Variants in CDH13 observed in about 807,000 individuals in gnomAD.
The protein encoded by CDH13 is cadherin 13.
CDH13 carries 24 observed loss-of-function variants against 63.8 expected under a neutral mutation model. The ratio of observed to expected loss-of-function variants is 0.38; its 90% CI spans 0.27 to 0.53. The LOEUF (loss-of-function observed/expected upper bound fraction) is 0.53, where lower values mean the gene tolerates loss of function less well. CDH13 is among the 20% of genes least tolerant of loss of function. The probability of loss-of-function intolerance (pLI) is 0.85; values close to 1 mark genes in which losing one functional copy is unlikely to be tolerated. For synonymous variants in CDH13, 503 were observed against 355.3 expected (o/e 1.42, Z -4.67); for missense variants, 1,049 against 903.1 (o/e 1.16, Z -2.07).
intron 3 of CDH13, among the ~76,000 whole-genome samples, chr16:83,058,833 C>G (rs2031222696): frequency 6.6e-6 from 1 of 152,198 alleles, no homozygotes; most frequent in Admixed American, 6.5e-5. Context: ...CAGAAACTAT[C>G]TGGTGATGAG....
intron 10 of CDH13, among the ~76,000 whole-genome samples, chr16:83,686,054 T>A (rs1192765466): frequency 6.6e-6 from 1 of 152,192 alleles, no homozygotes. Context: ...TGTTCTCCCT[T>A]TTTACTGATG....
chr16:82,854,830 T>G (rs1284455969), intron 1 of CDH13, among the ~76,000 whole-genome samples: 1 of 152,224 alleles, frequency 6.6e-6, no homozygotes, highest in Non-Finnish European at 1.5e-5. Context: ...AATTATGATT[T>G]GTTAATGCCT....
Position 83,092,629 on chromosome 16 carries a change from G to A in CDH13, c.367-32756G>A, listed in dbSNP as rs142303072. ...TTTTATTACTACTTCTTTCTTTGCC[G>A]CTTTAAAGGGAAAACTGCTATCCCT... is the stretch of plus-strand genomic sequence containing the variant. On this transcript the variant is annotated intron_variant, in intron 3 of 13. Transcript: ENST00000567109. 2.6e-3 allele frequency among the ~76,000 whole-genome samples: 399 copies of A among 151,802 alleles called. 1 individual carries two copies. The highest frequency in any genetic ancestry group is 8.9e-3 in the African/African-American group (368 of 41,364).
At chr16:82,878,583 C>T (rs2040584587) in intron 2 of CDH13, among the ~76,000 whole-genome samples, 1 of 150,712 alleles carries the variant, frequency 6.6e-6, no homozygotes. Flanking sequence ...CCCTTCTGTG[C>T]GTTGGGGCTT....
intron 6 of CDH13, among the ~76,000 whole-genome samples, chr16:83,411,687 T>C (rs2092128286): frequency 6.6e-6 from 1 of 152,204 alleles, no homozygotes; most frequent in Non-Finnish European, 1.5e-5. Flanking sequence ...CCTTTTGTTC[T>C]CTGATATGTC....
chr16:83,784,358 A>G (rs1415959390), intron 13 of CDH13, among the ~76,000 whole-genome samples: 2 of 152,146 alleles, frequency 1.3e-5, no homozygotes, highest in Non-Finnish European at 2.9e-5. Flanking sequence ...AGGGCCAGGC[A>G]CGGTGGCTCA....
chr16:83,438,001 C>G (rs569671166), intron 6 of CDH13, among the ~76,000 whole-genome samples: 3 of 152,302 alleles, frequency 2.0e-5, no homozygotes, highest in East Asian at 1.9e-4. Flanking sequence ...CTCCTATCCT[C>G]TCTGCTTCAG....
intron 3 of CDH13, among the ~76,000 whole-genome samples, chr16:83,116,701 A>G (rs1423955975): frequency 6.6e-6 from 1 of 152,180 alleles, no homozygotes; most frequent in East Asian, 1.9e-4. Context: ...TGTGGTGAGG[A>G]TTGCACAACT....
intron 1 of CDH13, among the ~76,000 whole-genome samples, chr16:82,742,181 A>C (rs1343328014): frequency 6.6e-6 from 1 of 152,214 alleles, no homozygotes; most frequent in African/African-American, 2.4e-5. Flanking sequence ...AAGAAATGAG[A>C]ATCTTGTAAA....
intron 6 of CDH13, among the ~76,000 whole-genome samples, chr16:83,414,019 CTTG>C (rs1047440318): frequency 6.6e-5 from 10 of 152,108 alleles, no homozygotes; most frequent in Admixed American, 5.9e-4. Flanking sequence ...ACTCTTCTCT[CTTG>C]TTGTCCTTTG....
intron 10 of CDH13, among the ~76,000 whole-genome samples, chr16:83,741,648 G>T (rs1054954571): frequency 6.6e-6 from 1 of 151,954 alleles, no homozygotes. Context: ...CTGCTATATT[G>T]CATTGATCCA....
chr16:82,979,861 G>C (rs968435157), intron 2 of CDH13, among the ~76,000 whole-genome samples: 2 of 152,144 alleles, frequency 1.3e-5, no homozygotes, highest in African/African-American at 4.8e-5. Context: ...ACAGTCATTA[G>C]AAAAAACTGG....
intron 2 of CDH13, among the ~76,000 whole-genome samples, chr16:82,906,252 A>T (rs57969548): frequency 0.21 from 31,523 of 152,032 alleles, 4,613 homozygotes; most frequent in African/African-American, 0.41. Flanking sequence ...AGGTTGATAG[A>T]TTAATAATCT....
intron 2 of CDH13, among the ~76,000 whole-genome samples, chr16:82,941,347 C>T (rs1020892697): frequency 7.9e-5 from 12 of 152,190 alleles, no homozygotes; most frequent in Admixed American, 2.0e-4. Flanking sequence ...AAACCCTGTT[C>T]TGTGCCTTGA....
At chr16:83,742,190 A>G (rs1305638803) in intron 10 of CDH13, among the ~76,000 whole-genome samples, 1 of 152,206 alleles carries the variant, frequency 6.6e-6, no homozygotes, top group Non-Finnish European at 1.5e-5. Context: ...GGCCCTGGCC[A>G]CTTGCCTGGA....
chr16:82,834,298 T>C (rs1394177258), intron 1 of CDH13, among the ~76,000 whole-genome samples: 3 of 152,134 alleles, frequency 2.0e-5, no homozygotes, highest in Non-Finnish European at 4.4e-5. Flanking sequence ...CTTGGTCATT[T>C]GTACTGAAAC....
chr16:83,550,006 C>A (rs113473103), intron 7 of CDH13, among the ~76,000 whole-genome samples: 4,008 of 152,278 alleles, frequency 0.026, 183 homozygotes, highest in African/African-American at 0.091. Context: ...CCAAACTTGG[C>A]TGACCAAGCC....
rs957239512 is a variant in CDH13, at chr16:83,073,350, T to A, written c.366+41132T>A. Among the ~76,000 whole-genome samples the A allele has an allele frequency of 1.7e-3, 219 of 126,654 alleles. 1 individual carries two copies. The highest frequency in any genetic ancestry group is 0.01 in the South Asian group (41 of 3,998). 83.1% of individuals were successfully genotyped at this position (126,654 alleles called of 152,430 possible). On this transcript the variant is annotated intron_variant, in intron 3 of 13. Transcript: ENST00000567109. ...GTGTGTGTGTGTGTGTGTGTGTGTG[T>A]GTGTGAGAGAGAGAGAGAGAGAGAG...
chr16:82,826,466 T>A (rs2038259139), intron 1 of CDH13: 1 of 152,216 alleles, frequency 6.6e-6, no homozygotes, highest in African/African-American at 2.4e-5. Flanking sequence ...AACATGTTGG[T>A]AATTTTAAAT....
Sources: allele counts gnomAD v4.1 joint callset (sites outside exome capture counted in the v4.1 genomes callset), GRCh38; gene constraint gnomAD v4.1.1; transcripts MANE v1.5; gene names NCBI Gene and HGNC (gene_info 2026-07-23, HGNC 2026-07-21).